MYO3B: variants seen among roughly 807,000 people sequenced by gnomAD.
MYO3B encodes the protein myosin-IIIb.
A neutral mutation model predicts 174.6 loss-of-function variants in MYO3B; 156 were observed. The observed-to-expected ratio is 0.89, with a 90% CI of 0.78 to 1.02. The LOEUF (loss-of-function observed/expected upper bound fraction) is 1.02, where lower values mean the gene tolerates loss of function less well. MYO3B is among the 50% of genes least tolerant of loss of function. MYO3B has a pLI of 0.00. For missense variants in MYO3B, 1,632 were observed against 1,639.4 expected, an observed-to-expected ratio of 1.00 and a Z score of 0.08; for synonymous variants, 563 against 569.1, an observed-to-expected ratio of 0.99 and a Z score of 0.15.
At chr2:170,375,773 G>T (rs763514689) in intron 9 of MYO3B, among the ~76,000 whole-genome samples, 2 of 151,366 alleles carry the variant, frequency 1.3e-5, no homozygotes, top group Middle Eastern at 3.2e-3. Context: ...TACACTAATG[G>T]GTTATTGGGT....
At chr2:170,399,751 G>A (rs1168985915) in intron 16 of MYO3B, among the ~76,000 whole-genome samples, 1 of 152,152 alleles carries the variant, frequency 6.6e-6, no homozygotes, top group Non-Finnish European at 1.5e-5. Context: ...GTATTAGTTA[G>A]GGTAAAAGGC....
intron 1 of MYO3B, among the ~76,000 whole-genome samples, chr2:170,198,111 GGTTT>G (rs1203359194): frequency 2.7e-5 from 1 of 36,788 alleles, no homozygotes; most frequent in East Asian, 8.2e-4. Context: ...TTCTCCTTTG[GGTTT>G]TTTTTTTTTT....
chr2:170,523,679 A>G (rs867445351), intron 30 of MYO3B, among the ~76,000 whole-genome samples: 1 of 152,194 alleles, frequency 6.6e-6, no homozygotes, highest in Non-Finnish European at 1.5e-5. Flanking sequence ...TGTTCTCAGC[A>G]TGTCAGTCAT....
intron 22 of MYO3B, among the ~76,000 whole-genome samples, chr2:170,442,665 C>T (rs1444277576): frequency 6.6e-6 from 1 of 152,132 alleles, no homozygotes; most frequent in Non-Finnish European, 1.5e-5. Context: ...CCCCCACTCC[C>T]CGACAGGTCC....
At chr2:170,341,646 A>C (rs961891406) in intron 8 of MYO3B, among the ~76,000 whole-genome samples, 6 of 152,154 alleles carry the variant, frequency 3.9e-5, no homozygotes, top group Admixed American at 3.3e-4. Context: ...CAAAATTAAC[A>C]CAAAAAATAA....
At chr2:170,386,131 C>A in intron 12 of MYO3B, 58 bp from the exon 13 acceptor site, 1 of 1,406,982 alleles carries the variant, frequency 7.1e-7, no homozygotes, top group Non-Finnish European at 1.0e-6. Context: ...TTATATGAAG[C>A]ATGCAAGTTG....
At chr2:170,298,744 A>G (rs1317869421) in intron 7 of MYO3B, among the ~76,000 whole-genome samples, 1 of 150,104 alleles carries the variant, frequency 6.7e-6, no homozygotes, top group Non-Finnish European at 1.5e-5. Flanking sequence ...GGATGGATGG[A>G]GTTTTGGAGA....
In MYO3B at chr2:170,459,671, G is replaced by C. The variant is rs191696596; in HGVS notation, c.2731-3697G>C. ...GGCAGTCATGGGACCGGGCGCCATG[G>C]AGCAGGGGGTGGTGCCCGTCGAGGA... On this transcript the variant is annotated intron_variant, in intron 23 of 34. Transcript: ENST00000408978. 3.1e-3 allele frequency among the ~76,000 whole-genome samples: 479 copies of C among 152,262 alleles called. 1 individual carries two copies. The highest frequency in any genetic ancestry group is 5.5e-3 in the Non-Finnish European group (375 of 68,012).
chr2:170,234,613 C>T (rs1423214733), intron 6 of MYO3B, among the ~76,000 whole-genome samples: 2 of 152,188 alleles, frequency 1.3e-5, no homozygotes, highest in Admixed American at 6.5e-5. Flanking sequence ...GGCTAAAATA[C>T]TCTTCTCCAT....
chr2:170,616,182 G>C (rs893645247), intron 32 of MYO3B, among the ~76,000 whole-genome samples: 2 of 152,316 alleles, frequency 1.3e-5, no homozygotes, highest in Admixed American at 1.3e-4. Context: ...ATTCCCAGAA[G>C]GGAGTATGCC....
At chr2:170,299,697 C>T (rs1431182118) in intron 7 of MYO3B, among the ~76,000 whole-genome samples, 1 of 152,184 alleles carries the variant, frequency 6.6e-6, no homozygotes, top group Non-Finnish European at 1.5e-5. Flanking sequence ...AGAAATCGAG[C>T]AGTCTAGCTT....
chr2:170,564,112 G>A (rs897695763), intron 32 of MYO3B, among the ~76,000 whole-genome samples: 8 of 152,154 alleles, frequency 5.3e-5, no homozygotes, highest in Non-Finnish European at 1.2e-4. Context: ...ATTTCACCTT[G>A]GGTCCTTCTT....
intron 32 of MYO3B, among the ~76,000 whole-genome samples, chr2:170,639,935 C>T (rs1697835227): frequency 6.6e-6 from 1 of 152,200 alleles, no homozygotes; most frequent in African/African-American, 2.4e-5. Context: ...CCATTTGATG[C>T]AGCTTCCAGC....
chr2:170,374,324 T>C (rs901894146), intron 9 of MYO3B, among the ~76,000 whole-genome samples: 11 of 152,108 alleles, frequency 7.2e-5, no homozygotes, highest in Admixed American at 1.3e-4. Context: ...TTGAGGCTGA[T>C]CTAGTCCTGG....
At chr2:170,587,417 AT>A (rs1416633400) in intron 32 of MYO3B, among the ~76,000 whole-genome samples, 4 of 152,210 alleles carry the variant, frequency 2.6e-5, no homozygotes, top group African/African-American at 7.2e-5. Flanking sequence ...AAGAGGCCAC[AT>A]TGAGTGACTG....
At chr2:170,446,047 A>C (rs2094839900) in intron 23 of MYO3B, among the ~76,000 whole-genome samples, 1 of 152,228 alleles carries the variant, frequency 6.6e-6, no homozygotes, top group Non-Finnish European at 1.5e-5. Flanking sequence ...CAAAAAGGAC[A>C]CTTGTTTATG....
At chr2:170,219,166 C>T (rs911719728) in intron 6 of MYO3B, among the ~76,000 whole-genome samples, 1 of 152,220 alleles carries the variant, frequency 6.6e-6, no homozygotes, top group South Asian at 2.1e-4. Flanking sequence ...TCCCTAATCC[C>T]TTGCCCACAT....
At position 170,574,323 on chromosome 2, in the gene MYO3B, CTAATG is replaced by C. The variant is rs146206026; in HGVS notation, c.3733+30340_3733+30344del. Among the ~76,000 whole-genome samples, 1,292 of 152,078 alleles carry C rather than the reference CTAATG, an allele frequency of 8.5e-3. 18 individuals carry two copies. The highest frequency in any genetic ancestry group is 0.03 in the African/African-American group (1,233 of 41,476). On this transcript the variant is annotated intron_variant, in intron 32 of 34. Transcript: ENST00000408978. ...CCGTTATTTGATTTATTGAGATCGA[CTAATG>C]TAATATATGGTTTTTAGGATTTCAA...
chr2:170,212,772 G>A (rs1224452303), intron 3 of MYO3B, among the ~76,000 whole-genome samples: 4 of 152,160 alleles, frequency 2.6e-5, no homozygotes, highest in Non-Finnish European at 5.9e-5. Flanking sequence ...ATTCCCCGTG[G>A]CTCCACCCAT....
Sources: gnomAD v4.1 joint callset for allele counts (sites outside exome capture counted in the v4.1 genomes callset) on GRCh38, gnomAD v4.1.1 for gene constraint, MANE v1.5 for transcripts, NCBI Gene and HGNC (gene_info 2026-07-23, HGNC 2026-07-21) for gene names.